The following FRMPD4 variants were observed in gnomAD, a reference collection of about 807,000 sequenced individuals.
FRMPD4 encodes the protein FERM and PDZ domain-containing protein 4.
FRMPD4 carries 22 observed loss-of-function variants against 94.1 expected under a neutral mutation model. That is an observed-to-expected ratio of 0.23 (90% confidence interval 0.17 to 0.33). The LOEUF is 0.33. Ranked by LOEUF, FRMPD4 falls within the 10% of genes least tolerant of loss-of-function variation. The probability of loss-of-function intolerance (pLI) is 1.00; values close to 1 mark genes in which losing one functional copy is unlikely to be tolerated. For synonymous variants in FRMPD4, 631 were observed against 548.6 expected (o/e 1.15, Z -2.10); for missense variants, 1,111 against 1,339.9 (o/e 0.83, Z 2.67).
chrX:11,882,450 G>C lies in FRMPD4; in HGVS notation c.95+4432G>C, dbSNP rs185774621. 4.6e-3 allele frequency among the ~76,000 whole-genome samples: 518 copies of C among 111,421 alleles called. 4 individuals carry two copies. Among genetic ancestry groups the C allele is most frequent in the African/African-American group, 0.016 (500 of 30,638 alleles). On this transcript the variant is annotated intron_variant, in intron 3 of 18. Coordinates refer to the FRMPD4 transcript ENST00000640291. ...AAGGAGCATTTTGTTTTATGACATAGTTTGAGCATCCCTAATTCGAAAATC... is the reference window on the plus strand; with the variant it reads ...AAGGAGCATTTTGTTTTATGACATACTTTGAGCATCCCTAATTCGAAAATC...
intron 1 of FRMPD4, among the ~76,000 whole-genome samples, chrX:12,332,060 A>ATTTATATACT (rs2055424382): frequency 1.4e-5 from 1 of 73,881 alleles, no homozygotes; most frequent in African/African-American, 5.7e-5. Flanking sequence ...AATTATATGT[A>ATTTATATACT]ATATATAATT....
chrX:12,331,706 A>AAT (rs1246399247), intron 1 of FRMPD4, among the ~76,000 whole-genome samples: 4 of 64,893 alleles, frequency 6.2e-5, no homozygotes, highest in East Asian at 4.3e-4. Flanking sequence ...ATAAATATAT[A>AAT]ATATATAATT....
intron 3 of FRMPD4, among the ~76,000 whole-genome samples, chrX:11,975,148 A>C (rs1415539135): frequency 8.9e-6 from 1 of 112,019 alleles, no homozygotes; most frequent in Admixed American, 9.4e-5. Context: ...CCCTGAGCAT[A>C]AATCATATCA....
chrX:12,261,612 C>A (rs1459904569), intron 1 of FRMPD4, among the ~76,000 whole-genome samples: 1 of 112,034 alleles, frequency 8.9e-6, no homozygotes, highest in Non-Finnish European at 1.9e-5. Flanking sequence ...CACCAAAGAA[C>A]TTATGGCATG....
intron 4 of FRMPD4, among the ~76,000 whole-genome samples, chrX:12,623,587 GA>G (rs1239337494): frequency 1.2e-5 from 1 of 83,014 alleles, no homozygotes; most frequent in African/African-American, 4.5e-5. Flanking sequence ...GAAAAAAGGG[GA>G]AAAAGCTTAT....
intron 1 of FRMPD4, among the ~76,000 whole-genome samples, chrX:11,850,385 G>T (rs938800701): frequency 8.9e-6 from 1 of 112,576 alleles, no homozygotes; most frequent in Non-Finnish European, 1.9e-5. Flanking sequence ...TAGGAAAAGA[G>T]TATGATAGTT....
chrX:12,506,401 A>G (rs6639192), intron 2 of FRMPD4, among the ~76,000 whole-genome samples: 6,485 of 110,341 alleles, frequency 0.059, 157 homozygotes, highest in East Asian at 0.13. Flanking sequence ...AGATTCTCCC[A>G]CCTCAGACTC....
chrX:12,445,653 A>G (rs2057186485), intron 1 of FRMPD4, among the ~76,000 whole-genome samples: 1 of 112,639 alleles, frequency 8.9e-6, no homozygotes. Flanking sequence ...TAATGCATTC[A>G]CGGTCAACAG....
At chrX:11,862,355 T>G (rs775845587) in intron 1 of FRMPD4, among the ~76,000 whole-genome samples, 59 of 111,127 alleles carry the variant, frequency 5.3e-4, no homozygotes, top group African/African-American at 1.8e-3. Context: ...AAAGGGGTAT[T>G]TAGGCTAATG....
intron 1 of FRMPD4, among the ~76,000 whole-genome samples, chrX:12,438,849 G>A (rs1210074653): frequency 9.0e-6 from 1 of 111,270 alleles, no homozygotes; most frequent in Non-Finnish European, 1.9e-5. Flanking sequence ...AAGGTGAAGA[G>A]GAACACTGTG....
At position 12,716,558 on chromosome X, in the gene FRMPD4, A is replaced by G; in HGVS notation, c.2099A>G (p.Asp700Gly). The G allele has an allele frequency of 8.3e-7, 1 of 1,210,759 alleles. No homozygotes were observed. Among genetic ancestry groups the G allele is most frequent in the Non-Finnish European group, 1.1e-6 (1 of 894,816 alleles). Residue 700 changes from aspartate (D) to glycine (G), a missense_variant, in exon 15 of 17, where the codon GAT (aspartate) becomes GGT (glycine). Asp to Gly is a moderately conservative substitution (Grantham distance 94, BLOSUM62 -1). This residue lies in a region of FRMPD4 where 192 missense variants were observed against 192.5 expected (regional missense o/e 1.00). Transcript: ENST00000675598. The part of the protein sequence containing the change: ...IGSANDMKGL[D>G]LTPEAEGIQF... Reference sequence around the variant, plus strand: ...AGTGCCAATGACATGAAGGGCCTGGATCTCACTCCAGAGGCAGAGGGCATC... The same window carrying G: ...AGTGCCAATGACATGAAGGGCCTGGGTCTCACTCCAGAGGCAGAGGGCATC...
At chrX:12,144,760 T>TATATATATATTATATATATAAAATATA (rs1295038831) in intron 1 of FRMPD4, among the ~76,000 whole-genome samples, 44 of 107,284 alleles carry the variant, frequency 4.1e-4, no homozygotes, top group African/African-American at 1.4e-3. Context: ...ACATTTGAAG[T>TATATATATATTATATATATAAAATATA]ATATATATAT....
chrX:12,518,351 G>A (rs1372264932), intron 2 of FRMPD4, among the ~76,000 whole-genome samples: 2 of 111,605 alleles, frequency 1.8e-5, no homozygotes, highest in Non-Finnish European at 3.8e-5. Flanking sequence ...CACAGATTGT[G>A]GAAAAAACCT....
chrX:12,626,252 C>T (rs1729151803), intron 4 of FRMPD4, among the ~76,000 whole-genome samples: 1 of 107,433 alleles, frequency 9.3e-6, no homozygotes, highest in African/African-American at 3.4e-5. Context: ...TCACTTGAGC[C>T]CAGGAGTTGA....
chrX:11,964,745 T>C (rs1250857086), intron 3 of FRMPD4, among the ~76,000 whole-genome samples: 1 of 112,871 alleles, frequency 8.9e-6, no homozygotes, highest in Admixed American at 9.3e-5. Flanking sequence ...TAGGACAAAT[T>C]ACCACAAATT....
chrX:12,418,972 G>A (rs891373176), intron 1 of FRMPD4, among the ~76,000 whole-genome samples: 5 of 111,610 alleles, frequency 4.5e-5, no homozygotes, highest in African/African-American at 1.6e-4. Context: ...ACCTTTCTTG[G>A]TATTTCATGT....
At chrX:11,971,550 A>C (rs2054340335) in intron 3 of FRMPD4, among the ~76,000 whole-genome samples, 1 of 112,865 alleles carries the variant, frequency 8.9e-6, no homozygotes, top group South Asian at 3.6e-4. Context: ...TTAATGAATA[A>C]ATTAAAGAAT....
chrX:12,252,123 TATAGG>T (rs2054049076), intron 1 of FRMPD4, among the ~76,000 whole-genome samples: 1 of 112,125 alleles, frequency 8.9e-6, no homozygotes, highest in Non-Finnish European at 1.9e-5. Context: ...ATGGAGCAGC[TATAGG>T]TGTCCCCATT....
intron 1 of FRMPD4, among the ~76,000 whole-genome samples, chrX:11,843,895 T>TTTACTA (rs1303760769): frequency 9.0e-6 from 1 of 111,135 alleles, no homozygotes; most frequent in Admixed American, 9.6e-5. Flanking sequence ...GTGGATTTCA[T>TTTACTA]TTACTATCTT....
Sources: allele counts gnomAD v4.1 joint callset (sites outside exome capture counted in the v4.1 genomes callset), GRCh38; gene constraint gnomAD v4.1.1; regional missense constraint gnomAD v4.1.1; transcripts MANE v1.5; gene names NCBI Gene and HGNC (gene_info 2026-07-23, HGNC 2026-07-21).